EDARADD: variants seen among roughly 807,000 people sequenced by gnomAD.
The protein encoded by EDARADD is EDAR associated via death domain, also known as ectodysplasin-A receptor-associated adapter protein.
Under a neutral mutation model 25.6 loss-of-function variants are expected in EDARADD, and 20 were observed. The ratio of observed to expected loss-of-function variants is 0.78; its 90% CI spans 0.55 to 1.14. The LOEUF (loss-of-function observed/expected upper bound fraction) is 1.14, where lower values mean the gene tolerates loss of function less well. EDARADD is among the 50% of genes most tolerant of loss of function. The pLI is 0.00. For missense variants in EDARADD, 225 were observed against 270.1 expected (o/e 0.83, Z 1.17); for synonymous variants, 86 against 94.4 (o/e 0.91, Z 0.52).
intron 2 of EDARADD, among the ~76,000 whole-genome samples, chr1:236,411,037 T>G (rs1225714706): frequency 6.6e-6 from 1 of 152,170 alleles, no homozygotes; most frequent in Non-Finnish European, 1.5e-5. Context: ...CTTCTTTCCC[T>G]TCCCACTGCC....
At chr1:236,467,720 A>C (rs1659251670) in intron 4 of EDARADD, among the ~76,000 whole-genome samples, 1 of 152,166 alleles carries the variant, frequency 6.6e-6, no homozygotes, top group Non-Finnish European at 1.5e-5. Context: ...AAGATAACCC[A>C]TAATGTAAAA....
chr1:236,413,898 A>T (rs1051113139), intron 2 of EDARADD, among the ~76,000 whole-genome samples: 5 of 152,238 alleles, frequency 3.3e-5, no homozygotes, highest in Admixed American at 6.5e-5. Context: ...TGACTATTGC[A>T]GAAACGGTGA....
intron 5 of EDARADD, among the ~76,000 whole-genome samples, chr1:236,469,115 G>A (rs970902065): frequency 3.9e-5 from 6 of 152,104 alleles, no homozygotes; most frequent in African/African-American, 1.4e-4. Flanking sequence ...AGACAGACAT[G>A]TTTGCAATGT....
At chr1:236,370,687 T>C (rs1442896844) in intron 3 of EDARADD, among the ~76,000 whole-genome samples, 1 of 152,174 alleles carries the variant, frequency 6.6e-6, no homozygotes. Flanking sequence ...AGCCAGTTTA[T>C]TGATCAGGGT....
chr1:236,406,691 CTCTT>C (rs1235500351), intron 1 of EDARADD, among the ~76,000 whole-genome samples: 1 of 152,240 alleles, frequency 6.6e-6, no homozygotes, highest in African/African-American at 2.4e-5. Context: ...CATGTTCTCT[CTCTT>C]CTCTGTGGCT....
In EDARADD at chr1:236,454,106, C is replaced by T. The variant is rs532249314; in HGVS notation, c.220-14125C>T. Among the ~76,000 whole-genome samples the T allele has an allele frequency of 4.6e-5, 7 of 152,186 alleles. No individual in the cohort carries two copies. The East Asian group carries it at 5.8e-4, about 13-fold the overall frequency. ...TGTTGCCCAGGCTGGAGTGCAGTGG[C>T]GTGATCTTGGCTCACTGCAACCTCC... is the stretch of plus-strand genomic sequence containing the variant. On this transcript the variant is annotated intron_variant, in intron 4 of 5. Transcript: ENST00000334232.
In EDARADD at chr1:236,484,494, T is replaced by C; in HGVS notation, c.*1845T>C. The C allele has an allele frequency of 1.9e-6, 3 of 1,588,122 alleles. No individual in the cohort carries two copies. The highest frequency in any genetic ancestry group is 2.6e-6 in the Non-Finnish European group (3 of 1,161,088). The stretch of plus-strand genomic sequence containing the variant: ...AGCTGTGGGCAGGCAAGCCCTTCAG[T>C]CACCTGGTGGCTAATTAGACCCCTC... On this transcript the variant is annotated 3_prime_UTR_variant, in exon 6 of 6. Coordinates refer to ENST00000334232, the MANE Select transcript of EDARADD (RefSeq NM_145861.4). The surrounding 1 kb of genome is among the most constrained non-coding windows in gnomAD (Gnocchi z 4.1).
At chr1:236,384,837 T>C (rs6661983) in intron 3 of EDARADD, among the ~76,000 whole-genome samples, 116,436 of 151,706 alleles carry the variant, frequency 0.77, 46,112 homozygotes, top group East Asian at 0.92. Context: ...CCTATTTTTA[T>C]TTCTTCTAGA....
intron 4 of EDARADD, among the ~76,000 whole-genome samples, chr1:236,432,426 C>G (rs114694194): frequency 0.029 from 4,436 of 150,990 alleles, 223 homozygotes; most frequent in African/African-American, 0.1. Context: ...CAGTTTGTAG[C>G]CAAGAATCCA....
intron 3 of EDARADD, among the ~76,000 whole-genome samples, chr1:236,385,427 AAAAAT>A (rs1350535828): frequency 0.15 from 2,473 of 16,718 alleles, 158 homozygotes; most frequent in South Asian, 0.23. Flanking sequence ...AAAAAAAAAA[AAAAAT>A]GCTCTTCCAG....
intron 1 of EDARADD, among the ~76,000 whole-genome samples, chr1:236,406,248 C>T (rs1667737359): frequency 6.6e-6 from 1 of 152,020 alleles, no homozygotes; most frequent in Non-Finnish European, 1.5e-5. Context: ...TGGCTTCTAC[C>T]ACCCCCTCCC....
chr1:236,447,152 TCCTC>T (rs145293847), intron 4 of EDARADD, among the ~76,000 whole-genome samples: 38,088 of 75,324 alleles, frequency 0.51, 10,914 homozygotes, highest in Non-Finnish European at 0.64. Context: ...CTTCCTTCCT[TCCTC>T]CCTCCCTCCC....
At position 236,355,500 on chromosome 1, in the gene EDARADD, C is replaced by CTTTTTTTTTTTTT. The variant is rs563976436; in HGVS notation, c.-6+4675_-6+4687dup. Reference sequence around the variant, plus strand: ...CACTCATTCTCTTCTGCTTCTTCTTCTTTTTTTTTTTTTTTTTTTTTTTTT... The same window carrying CTTTTTTTTTTTTT: ...CACTCATTCTCTTCTGCTTCTTCTTCTTTTTTTTTTTTTTTTTTTTTTTTTTTTTTTTTTTTTT... On this transcript the variant is annotated intron_variant, in intron 3 of 7. Coordinates refer to the EDARADD transcript ENST00000439430. Among the ~76,000 whole-genome samples, 7 of 73,170 alleles carry CTTTTTTTTTTTTT rather than the reference C, an allele frequency of 9.6e-5. 1 individual carries two copies. The highest frequency in any genetic ancestry group is 5.6e-4 in the East Asian group (1 of 1,796). 48.0% of individuals were successfully genotyped at this position (73,170 alleles called of 152,430 possible).
intron 5 of EDARADD, among the ~76,000 whole-genome samples, chr1:236,471,386 G>A (rs776634575): frequency 4.0e-5 from 6 of 150,238 alleles, no homozygotes; most frequent in Admixed American, 6.6e-5. Context: ...GTGTGTGTGC[G>A]CGCCCCAAAT....
intron 1 of EDARADD, among the ~76,000 whole-genome samples, chr1:236,408,191 T>A (rs1423981150): frequency 1.3e-5 from 2 of 151,548 alleles, no homozygotes; most frequent in Non-Finnish European, 2.9e-5. Context: ...AGTTACTTTT[T>A]ATATTTTTAA....
intron 3 of EDARADD, among the ~76,000 whole-genome samples, chr1:236,364,820 C>T (rs1253093278): frequency 6.6e-6 from 1 of 152,182 alleles, no homozygotes; most frequent in East Asian, 1.9e-4. Flanking sequence ...ACATAGATAT[C>T]ATGACATCTA....
Position 236,483,915 on chromosome 1 carries a change from T to C in EDARADD, c.*1266T>C, listed in dbSNP as rs987908202. The C allele has an allele frequency of 8.0e-6, 11 of 1,376,924 alleles. No individual in the cohort carries two copies. The highest frequency in any genetic ancestry group is 3.4e-5 in the Admixed American group (2 of 59,442). The allele number at this position is 1,376,924 out of a possible 1,614,324, so 85.3% of individuals were successfully genotyped here. A position where few individuals can be genotyped will look rare whatever the true frequency, so the allele number is the denominator to read the frequency against. ...CAGCATGGACGTAGAGGCCTCCGAG[T>C]TCTTCAGGTCTGGAAAGTATGACCT... On this transcript the variant is annotated 3_prime_UTR_variant, in exon 6 of 6. Coordinates refer to ENST00000334232, the MANE Select transcript of EDARADD (RefSeq NM_145861.4).
At chr1:236,471,934 C>G (rs567816486) in intron 5 of EDARADD, among the ~76,000 whole-genome samples, 139 of 152,278 alleles carry the variant, frequency 9.1e-4, no homozygotes, top group African/African-American at 3.1e-3. Flanking sequence ...TTGCAATTCA[C>G]AATTAACTGT....
intron 3 of EDARADD, among the ~76,000 whole-genome samples, chr1:236,362,863 T>G (rs1286628454): frequency 2.6e-5 from 4 of 151,008 alleles, no homozygotes; most frequent in Non-Finnish European, 5.9e-5. Flanking sequence ...TGTGTGGATC[T>G]ACTTCTTAAA....
Sources: gnomAD v4.1 joint callset for allele counts (sites outside exome capture counted in the v4.1 genomes callset) on GRCh38, gnomAD v4.1.1 for gene constraint, Gnocchi (gnomAD v3.1) non-coding constraint, MANE v1.5 for transcripts, NCBI Gene and HGNC (gene_info 2026-07-23, HGNC 2026-07-21) for gene names.